C10orf67: variants seen among roughly 807,000 people sequenced by gnomAD.
C10orf67 encodes the protein chromosome 10 open reading frame 67, also known as uncharacterized protein C10orf67, mitochondrial.
C10orf67 carries 60 observed loss-of-function variants against 35.6 expected under a neutral mutation model. That is an observed-to-expected ratio of 1.68 (90% CI 1.37 to 2.09). The LOEUF (loss-of-function observed/expected upper bound fraction) is 2.09. Ranked by LOEUF, C10orf67 falls within the 30% of genes most tolerant of loss-of-function variation. The probability of loss-of-function intolerance (pLI) is 0.00; values close to 1 mark genes in which losing one functional copy is unlikely to be tolerated. For synonymous variants in C10orf67, 167 were observed against 115.8 expected, an observed-to-expected ratio of 1.44 and a Z score of -2.84; for missense variants, 474 against 330.2, an observed-to-expected ratio of 1.44 and a Z score of -3.38.
chr10:23,300,013 CA>C (rs1844020511), intron 5 of C10orf67, among the ~76,000 whole-genome samples: 1 of 151,756 alleles, frequency 6.6e-6, no homozygotes, highest in Non-Finnish European at 1.5e-5. Flanking sequence ...AAGTCTGTGC[CA>C]GTGTCCAGGA....
chr10:23,296,650 T>C (rs1051705091), intron 5 of C10orf67, among the ~76,000 whole-genome samples: 1 of 151,924 alleles, frequency 6.6e-6, no homozygotes, highest in African/African-American at 2.4e-5. Flanking sequence ...TCGGGAGGGG[T>C]GACTTTGATG....
intron 2 of C10orf67, among the ~76,000 whole-genome samples, chr10:23,329,925 T>A (rs1845380539): frequency 6.6e-6 from 1 of 151,592 alleles, no homozygotes; most frequent in Admixed American, 6.6e-5. Flanking sequence ...AATATTATGA[T>A]CCAGTTAGGT....
At chr10:23,218,307 A>ATTT (rs371926193) in intron 15 of C10orf67, among the ~76,000 whole-genome samples, 3,877 of 118,968 alleles carry the variant, frequency 0.033, 258 homozygotes, top group East Asian at 0.3. Context: ...CACGAGGCTA[A>ATTT]TTTTTTTTTT....
At chr10:23,224,372 A>G (rs1023748207) in intron 13 of C10orf67, among the ~76,000 whole-genome samples, 10 of 152,214 alleles carry the variant, frequency 6.6e-5, no homozygotes, top group African/African-American at 2.4e-4. Context: ...CCAAAACCCC[A>G]TCTGTACATC....
chr10:23,268,365 T>C (rs1842937473), intron 8 of C10orf67, among the ~76,000 whole-genome samples: 1 of 152,226 alleles, frequency 6.6e-6, no homozygotes, highest in Non-Finnish European at 1.5e-5. Flanking sequence ...TTAGTGCATG[T>C]TTCCATAATA....
chr10:23,227,998 A>C (rs1841790690), intron 13 of C10orf67, among the ~76,000 whole-genome samples: 1 of 152,214 alleles, frequency 6.6e-6, no homozygotes. Context: ...AATATCGTGA[A>C]AATGGCCATA....
At chr10:23,207,130 A>G (rs1841180967) in intron 15 of C10orf67, among the ~76,000 whole-genome samples, 1 of 147,936 alleles carries the variant, frequency 6.8e-6, no homozygotes, top group African/African-American at 2.5e-5. Context: ...TTTGGTGAAT[A>G]ACATGCCAAC....
At chr10:23,323,406 G>A (rs998194537) in intron 2 of C10orf67, among the ~76,000 whole-genome samples, 20 of 152,154 alleles carry the variant, frequency 1.3e-4, no homozygotes, top group Admixed American at 3.9e-4. Flanking sequence ...ACTCAGGTGA[G>A]CCCAGGAGTT....
intron 10 of C10orf67, among the ~76,000 whole-genome samples, chr10:23,251,440 T>C (rs1842453118): frequency 1.3e-5 from 2 of 152,192 alleles, no homozygotes; most frequent in African/African-American, 4.8e-5. Flanking sequence ...TGAATCACAG[T>C]AGAGCTTTAT....
intron 12 of C10orf67, among the ~76,000 whole-genome samples, chr10:23,245,966 GGTAAACTGGATAAAAAAATA>G (rs1285411602): frequency 2.0e-5 from 3 of 147,002 alleles, no homozygotes; most frequent in Admixed American, 1.4e-4. Flanking sequence ...GCCCATCAAT[GGTAAACTGGATAAAAAAATA>G]CGGTACACAT....
intron 2 of C10orf67, among the ~76,000 whole-genome samples, chr10:23,327,350 GA>G (rs1330326954): frequency 6.6e-6 from 1 of 152,042 alleles, no homozygotes; most frequent in Non-Finnish European, 1.5e-5. Context: ...CAATTTATAA[GA>G]GATATATCTA....
At chr10:23,328,485 G>A (rs1376376315) in intron 2 of C10orf67, among the ~76,000 whole-genome samples, 1 of 151,994 alleles carries the variant, frequency 6.6e-6, no homozygotes, top group African/African-American at 2.4e-5. Flanking sequence ...TCAGAACTAG[G>A]GCAGCAAAAG....
At chr10:23,220,139 T>A (rs1053649556) in intron 15 of C10orf67, among the ~76,000 whole-genome samples, 2 of 151,810 alleles carry the variant, frequency 1.3e-5, no homozygotes, top group African/African-American at 2.4e-5. Context: ...ACCACTGCAC[T>A]CCAGCCTGGA....
chr10:23,322,279 A>G (rs1238980809), intron 3 of C10orf67, 115 bp downstream of exon 3: 1 of 1,108,220 alleles, frequency 9.0e-7, no homozygotes, highest in Non-Finnish European at 1.3e-6. Flanking sequence ...CACATGAGAC[A>G]CAACTAATGC....
rs1845550722 is a variant in C10orf67, at chr10:23,333,237, A to C, written c.207-55T>G. The stretch of plus-strand genomic sequence containing the variant: ...AAGTCATAGATATTTTCTTAGAAAT[A>C]GATGTTAATGCGTCTTTTTTTGTGT... On this transcript the variant is annotated intron_variant, in intron 1 of 15. Coordinates refer to ENST00000636213, the MANE Select transcript of C10orf67 (RefSeq NM_001371909.1). The C allele has an allele frequency of 2.0e-6, 3 of 1,468,908 alleles. No homozygotes were observed. In the African/African-American group the frequency reaches 4.2e-5, roughly 21 times the overall value. 91.0% of individuals were successfully genotyped at this position (1,468,908 alleles called of 1,614,324 possible).
At chr10:23,260,216 GC>G (rs1484416146) in intron 10 of C10orf67, among the ~76,000 whole-genome samples, 6 of 152,134 alleles carry the variant, frequency 3.9e-5, no homozygotes, top group African/African-American at 1.2e-4. Context: ...AACTATGCAA[GC>G]CGAAAGAGGG....
intron 5 of C10orf67, among the ~76,000 whole-genome samples, chr10:23,294,856 T>TC (rs1249896245): frequency 6.6e-6 from 1 of 152,212 alleles, no homozygotes; most frequent in African/African-American, 2.4e-5. Flanking sequence ...GGCAGTTGAA[T>TC]CAGATGAAAT....
At chr10:23,304,747 C>T (rs1021840858) in intron 4 of C10orf67, among the ~76,000 whole-genome samples, 1 of 152,132 alleles carries the variant, frequency 6.6e-6, no homozygotes, top group African/African-American at 2.4e-5. Flanking sequence ...AGGAACACTA[C>T]AAGGGACCTG....
At chr10:23,323,950 T>TAC (rs1564513698) in intron 2 of C10orf67, among the ~76,000 whole-genome samples, 2 of 60,470 alleles carry the variant, frequency 3.3e-5, no homozygotes, top group African/African-American at 1.2e-4. Context: ...TATATATATA[T>TAC]ATACACACAC....
Sources: allele counts gnomAD v4.1 joint callset (sites outside exome capture counted in the v4.1 genomes callset), GRCh38; gene constraint gnomAD v4.1.1; transcripts MANE v1.5; gene names NCBI Gene and HGNC (gene_info 2026-07-23, HGNC 2026-07-21).